CNTNAP2: variants seen among roughly 807,000 people sequenced by gnomAD.
CNTNAP2 encodes contactin associated protein 2.
In CNTNAP2, 98 loss-of-function variants were observed where a neutral mutation model predicts 155.2. The observed-to-expected ratio is 0.63, with a 90% confidence interval of 0.54 to 0.75. The LOEUF (loss-of-function observed/expected upper bound fraction) is 0.75, where lower values mean the gene tolerates loss of function less well. Among genes scored for constraint, CNTNAP2 ranks in the 30% least tolerant of loss-of-function variants. CNTNAP2 has a pLI of 0.00. For missense variants in CNTNAP2, 1,727 were observed against 1,688.1 expected (o/e 1.02, Z -0.40); for synonymous variants, 651 against 631.2 (o/e 1.03, Z -0.47).
intron 12 of CNTNAP2, chr7:147,638,817 T>A (rs1467742425): frequency 5.7e-6 from 3 of 524,306 alleles, no homozygotes; most frequent in Non-Finnish European, 1.1e-5. Context: ...CTGCAGATGT[T>A]AGAGCACCAA....
chr7:147,390,109 T>C (rs1796684549), intron 9 of CNTNAP2, among the ~76,000 whole-genome samples: 1 of 152,078 alleles, frequency 6.6e-6, no homozygotes, highest in Non-Finnish European at 1.5e-5. Context: ...AGAAAATAAA[T>C]AATAGGTTCT....
intron 13 of CNTNAP2, among the ~76,000 whole-genome samples, chr7:147,720,092 C>T (rs912197501): frequency 3.9e-5 from 6 of 151,998 alleles, no homozygotes; most frequent in South Asian, 2.1e-4. Context: ...TTCACTCTTC[C>T]CCAAGATTCA....
chr7:146,415,482 C>T (rs955817686), intron 1 of CNTNAP2, among the ~76,000 whole-genome samples: 2 of 152,104 alleles, frequency 1.3e-5, no homozygotes, highest in Admixed American at 1.3e-4. Flanking sequence ...AGTAAAATGA[C>T]ACTGTATTGG....
intron 11 of CNTNAP2, among the ~76,000 whole-genome samples, chr7:147,532,391 T>G (rs969461997): frequency 4.6e-5 from 7 of 152,148 alleles, no homozygotes; most frequent in Non-Finnish European, 8.8e-5. Context: ...TGAGACCACC[T>G]CAGCCTGGAT....
intron 3 of CNTNAP2, among the ~76,000 whole-genome samples, chr7:146,924,781 A>C (rs973205591): frequency 6.6e-6 from 1 of 151,832 alleles, no homozygotes; most frequent in African/African-American, 2.4e-5. Flanking sequence ...TTGTTTGTTC[A>C]TTTGTTTTTG....
At chr7:147,976,389 G>A (rs1801426218) in intron 14 of CNTNAP2, among the ~76,000 whole-genome samples, 2 of 152,076 alleles carry the variant, frequency 1.3e-5, no homozygotes, top group Admixed American at 1.3e-4. Context: ...TGGCATGATT[G>A]TAATTCATAA....
intron 8 of CNTNAP2, among the ~76,000 whole-genome samples, chr7:147,296,986 A>T (rs533209304): frequency 8.5e-5 from 13 of 152,332 alleles, no homozygotes; most frequent in African/African-American, 3.1e-4. Flanking sequence ...GATATACTTC[A>T]TTTAATAACT....
intron 10 of CNTNAP2, among the ~76,000 whole-genome samples, chr7:147,454,191 C>A (rs1178114942): frequency 6.6e-6 from 1 of 152,154 alleles, no homozygotes; most frequent in African/African-American, 2.4e-5. Context: ...CTTTAGTTTA[C>A]ACTTGTTAAA....
At chr7:146,544,827 C>T (rs569765495) in intron 1 of CNTNAP2, among the ~76,000 whole-genome samples, 13 of 151,798 alleles carry the variant, frequency 8.6e-5, no homozygotes, top group South Asian at 4.2e-4. Flanking sequence ...GTCTCAGAGA[C>T]GGATAAGTCA....
At chr7:146,683,945 G>C (rs1208770389) in intron 1 of CNTNAP2, among the ~76,000 whole-genome samples, 1 of 152,166 alleles carries the variant, frequency 6.6e-6, no homozygotes, top group African/African-American at 2.4e-5. Flanking sequence ...AGTCATAGCA[G>C]CTACACCTTT....
chr7:147,680,951 A>G (rs1434522612), intron 13 of CNTNAP2, among the ~76,000 whole-genome samples: 1 of 151,924 alleles, frequency 6.6e-6, no homozygotes, highest in African/African-American at 2.4e-5. Flanking sequence ...CAAAATTAAT[A>G]TATACGTTAT....
At chr7:147,111,084 G>A (rs1384135997) in intron 5 of CNTNAP2, among the ~76,000 whole-genome samples, 1 of 152,070 alleles carries the variant, frequency 6.6e-6, no homozygotes. Context: ...GGTGTGAGAT[G>A]GTATCTCATT....
At chr7:148,090,590 T>A (rs1233125846) in intron 15 of CNTNAP2, among the ~76,000 whole-genome samples, 3 of 151,980 alleles carry the variant, frequency 2.0e-5, no homozygotes, top group African/African-American at 7.2e-5. Flanking sequence ...ATCAAAATGA[T>A]AAAAGACAAC....
chr7:146,736,312 A>C (rs1801619315), intron 1 of CNTNAP2, among the ~76,000 whole-genome samples: 1 of 152,150 alleles, frequency 6.6e-6, no homozygotes, highest in African/African-American at 2.4e-5. Flanking sequence ...AAATTGTGGC[A>C]GTTCAGAACT....
At chr7:147,992,410 C>G (rs1161135592) in intron 15 of CNTNAP2, among the ~76,000 whole-genome samples, 1 of 152,108 alleles carries the variant, frequency 6.6e-6, no homozygotes, top group Non-Finnish European at 1.5e-5. Context: ...CCATGCCCAG[C>G]CTCTATTACT....
intron 9 of CNTNAP2, among the ~76,000 whole-genome samples, chr7:147,318,388 C>T (rs62482160): frequency 0.035 from 5,281 of 152,176 alleles, 125 homozygotes; most frequent in Non-Finnish European, 0.052. Flanking sequence ...GATCCAAGAT[C>T]GTGCCACTGC....
At chr7:148,300,060 G>T (rs1273443046) in intron 21 of CNTNAP2, among the ~76,000 whole-genome samples, 3 of 152,192 alleles carry the variant, frequency 2.0e-5, no homozygotes, top group African/African-American at 7.2e-5. Flanking sequence ...GATTTTCAAG[G>T]ACACACATCT....
At chr7:147,643,225 C>A (rs951765512) in intron 13 of CNTNAP2, among the ~76,000 whole-genome samples, 3 of 152,124 alleles carry the variant, frequency 2.0e-5, no homozygotes, top group Non-Finnish European at 2.9e-5. Flanking sequence ...TTGTCTGACC[C>A]ATTGAAATAA....
intron 22 of CNTNAP2, among the ~76,000 whole-genome samples, chr7:148,390,531 C>A (rs1001808522): frequency 2.6e-5 from 4 of 152,070 alleles, no homozygotes; most frequent in African/African-American, 9.7e-5. Context: ...GGGATCTTGG[C>A]AAACCAGGGC....
Sources: gnomAD v4.1 joint callset for allele counts (sites outside exome capture counted in the v4.1 genomes callset) on GRCh38, gnomAD v4.1.1 for gene constraint, MANE v1.5 for transcripts, NCBI Gene and HGNC (gene_info 2026-07-23, HGNC 2026-07-21) for gene names.